MYO1B: variants seen among roughly 807,000 people sequenced by gnomAD.
MYO1B encodes unconventional myosin-Ib.
A neutral mutation model predicts 159.7 loss-of-function variants in MYO1B; 72 were observed. The observed-to-expected ratio is 0.45, with a 90% CI of 0.37 to 0.55. The LOEUF is 0.55. MYO1B is among the 20% of genes least tolerant of loss of function. MYO1B has a pLI of 0.00. For missense variants in MYO1B, 1,062 were observed against 1,364.8 expected, an observed-to-expected ratio of 0.78 and a Z score of 3.50; for synonymous variants, 468 against 473.8, an observed-to-expected ratio of 0.99 and a Z score of 0.16.
chr2:191,293,848 C>T (rs1688822769), intron 2 of MYO1B, among the ~76,000 whole-genome samples: 1 of 152,156 alleles, frequency 6.6e-6, no homozygotes, highest in African/African-American at 2.4e-5. Flanking sequence ...AGCCTCTATT[C>T]AAGATGGGGT....
At position 191,246,631 on chromosome 2, in the gene MYO1B, CTGTG is replaced by C. The variant is rs1258163575; in HGVS notation, c.-10+1011_-10+1014del. ...GGTGTGTATGTGTGTGCCTCTGGGT[CTGTG>C]TGTGTAGCTAGTGGATATTGGCTGG... On this transcript the variant is annotated intron_variant, in intron 1 of 30. Coordinates refer to ENST00000392318, the MANE Select transcript of MYO1B (RefSeq NM_001130158.3). Among the ~76,000 whole-genome samples, 5 of 150,094 alleles carry C rather than the reference CTGTG, an allele frequency of 3.3e-5. No homozygotes were observed. In the East Asian group the frequency reaches 1.0e-3, roughly 30 times the overall value.
chr2:191,396,586 G>C, intron 21 of MYO1B, 89 bp downstream of exon 21: 19 of 1,238,422 alleles, frequency 1.5e-5, no homozygotes, highest in Non-Finnish European at 2.0e-5. Flanking sequence ...TGCAGAGGAG[G>C]GGCTCCTCTG....
intron 27 of MYO1B, among the ~76,000 whole-genome samples, chr2:191,412,023 C>G (rs539485154): frequency 2.3e-4 from 35 of 152,300 alleles, no homozygotes; most frequent in African/African-American, 8.2e-4. Context: ...TGACTTTATA[C>G]ACATTTAAAA....
At chr2:191,323,018 G>A (rs13424959) in intron 3 of MYO1B, among the ~76,000 whole-genome samples, 5,330 of 152,274 alleles carry the variant, frequency 0.035, 304 homozygotes, top group African/African-American at 0.12. Flanking sequence ...CAGGAAAGGG[G>A]TGGGCAAGTC....
At chr2:191,257,330 A>G (rs1686512849) in intron 1 of MYO1B, among the ~76,000 whole-genome samples, 1 of 152,160 alleles carries the variant, frequency 6.6e-6, no homozygotes, top group Non-Finnish European at 1.5e-5. Context: ...GGTGGCTGCA[A>G]GGAAGGGAAG....
At chr2:191,329,911 AT>A (rs758748237) in intron 3 of MYO1B, 23 bp from the exon 4 acceptor site, 5 of 1,597,124 alleles carry the variant, frequency 3.1e-6, no homozygotes, top group Non-Finnish European at 4.3e-6. Flanking sequence ...AGTCTAAGGA[AT>A]TTTTTTCCAT....
At chr2:191,331,978 T>C (rs888671698) in intron 4 of MYO1B, among the ~76,000 whole-genome samples, 1 of 152,242 alleles carries the variant, frequency 6.6e-6, no homozygotes, top group African/African-American at 2.4e-5. Flanking sequence ...CTTTTTCTTT[T>C]TGAGACAGAG....
chr2:191,309,319 G>A (rs899901009), intron 3 of MYO1B, among the ~76,000 whole-genome samples: 5 of 151,874 alleles, frequency 3.3e-5, no homozygotes, highest in Admixed American at 6.6e-5. Context: ...TCCTAACCAC[G>A]TCCATAGCCA....
intron 3 of MYO1B, among the ~76,000 whole-genome samples, chr2:191,321,417 G>A (rs891966553): frequency 1.3e-5 from 2 of 152,158 alleles, no homozygotes; most frequent in African/African-American, 4.8e-5. Context: ...TTGGGAATTT[G>A]TTTAAAGTGA....
At chr2:191,417,670 AC>A (rs1697657873) in intron 30 of MYO1B, among the ~76,000 whole-genome samples, 1 of 152,184 alleles carries the variant, frequency 6.6e-6, no homozygotes, top group African/African-American at 2.4e-5. Context: ...CATTTCCCAA[AC>A]CGGGATTCTA....
rs530826738 is a variant in MYO1B, at chr2:191,411,836, A to G, written c.2873+664A>G. Among the ~76,000 whole-genome samples, 11 of 152,316 alleles carry G rather than the reference A, an allele frequency of 7.2e-5. 1 individual carries two copies. The South Asian group carries it at 2.3e-3, about 32-fold the overall frequency. ...TAGTCTTACATCTCCTGCATTCATCACTTCCTCCCAGCAATCTAATCCCAT... is the reference window on the plus strand; with the variant it reads ...TAGTCTTACATCTCCTGCATTCATCGCTTCCTCCCAGCAATCTAATCCCAT... On this transcript the variant is annotated intron_variant, in intron 27 of 30. Transcript: ENST00000392318.
rs1256695614 is a variant in MYO1B, at chr2:191,416,251, A to G, written c.3287+9A>G. The G allele has an allele frequency of 1.2e-6, 2 of 1,614,046 alleles. No individual in the cohort carries two copies. The highest frequency in any genetic ancestry group is 1.7e-6 in the Non-Finnish European group (2 of 1,179,992). Reference sequence around the variant, plus strand: ...ATTGAGATTTCCGATGAGTACGTTCATGTATTGTTTGAAAACCCTTTTTCT... The same window carrying G: ...ATTGAGATTTCCGATGAGTACGTTCGTGTATTGTTTGAAAACCCTTTTTCT... On this transcript the variant is annotated intron_variant, in intron 30 of 30. Coordinates refer to ENST00000392318, the MANE Select transcript of MYO1B (RefSeq NM_001130158.3).
At chr2:191,418,482 A>ATTTTTTTTTTTTTTTTTT (rs1159016855) in intron 30 of MYO1B, among the ~76,000 whole-genome samples, 1 of 81,044 alleles carries the variant, frequency 1.2e-5, no homozygotes, top group Non-Finnish European at 2.2e-5. Context: ...TCTTTAGTGG[A>ATTTTTTTTTTTTTTTTTT]TTTTTTTTTT....
chr2:191,348,046 G>C (rs1330507697), intron 6 of MYO1B, among the ~76,000 whole-genome samples: 2 of 152,196 alleles, frequency 1.3e-5, no homozygotes, highest in African/African-American at 4.8e-5. Flanking sequence ...AGCAGCTGTA[G>C]TTTGACATAT....
intron 1 of MYO1B, among the ~76,000 whole-genome samples, chr2:191,260,761 T>C (rs898977936): frequency 2.2e-5 from 3 of 133,880 alleles, no homozygotes; most frequent in African/African-American, 1.2e-4. Context: ...ATTCTTTCTA[T>C]CTTTAAGAGC....
At chr2:191,308,356 G>T (rs552349836) in intron 3 of MYO1B, among the ~76,000 whole-genome samples, 2 of 152,236 alleles carry the variant, frequency 1.3e-5, no homozygotes, top group South Asian at 4.2e-4. Flanking sequence ...TGAAATACTC[G>T]AATCCTGGCT....
intron 11 of MYO1B, among the ~76,000 whole-genome samples, chr2:191,366,497 C>T (rs1024855650): frequency 3.3e-5 from 5 of 152,024 alleles, no homozygotes; most frequent in Admixed American, 2.6e-4. Context: ...TTCCACATAG[C>T]TTCAATTCCT....
intron 21 of MYO1B, among the ~76,000 whole-genome samples, chr2:191,399,572 A>G (rs1386367301): frequency 6.6e-6 from 1 of 152,094 alleles, no homozygotes; most frequent in Non-Finnish European, 1.5e-5. Flanking sequence ...TGTTCTGACC[A>G]CTTTCCTGTG....
chr2:191,415,100 T>C (rs943574575), intron 29 of MYO1B, among the ~76,000 whole-genome samples: 20 of 152,244 alleles, frequency 1.3e-4, no homozygotes, highest in Admixed American at 1.3e-4. Flanking sequence ...ATGCAGTGGT[T>C]ACATGTAGGT....
Sources: gnomAD v4.1 joint callset for allele counts (sites outside exome capture counted in the v4.1 genomes callset) on GRCh38, gnomAD v4.1.1 for gene constraint, MANE v1.5 for transcripts, NCBI Gene and HGNC (gene_info 2026-07-23, HGNC 2026-07-21) for gene names.